NEK7: variants seen among roughly 807,000 people sequenced by gnomAD.
NEK7 encodes the protein serine/threonine-protein kinase Nek7.
Under a neutral mutation model 44.6 loss-of-function variants are expected in NEK7, and 18 were observed. That is an observed-to-expected ratio of 0.40 (90% CI 0.28 to 0.60). NEK7 has a LOEUF of 0.60. Ranked by LOEUF, NEK7 falls within the 20% of genes least tolerant of loss-of-function variation. The pLI, the probability that NEK7 is intolerant of heterozygous loss-of-function variation, is 0.38. For missense variants in NEK7, 256 were observed against 366.5 expected (o/e 0.70, Z 2.46); for synonymous variants, 130 against 121.1 (o/e 1.07, Z -0.48).
intron 1 of NEK7, among the ~76,000 whole-genome samples, chr1:198,222,884 G>A (rs902894216): frequency 2.0e-5 from 3 of 151,944 alleles, no homozygotes; most frequent in South Asian, 4.2e-4. Flanking sequence ...AGCGGGGGGT[G>A]GGGGTGGATG....
chr1:198,209,037 GTATATATATATATA>G (rs57962708), intron 1 of NEK7, among the ~76,000 whole-genome samples: 1 of 145,356 alleles, frequency 6.9e-6, no homozygotes, highest in Non-Finnish European at 1.5e-5. Context: ...ATGTGTGTGT[GTATATATATATATA>G]TATATATACA....
intron 1 of NEK7, among the ~76,000 whole-genome samples, chr1:198,214,476 TAATGAAAAATCAATCAG>T (rs1665861171): frequency 6.6e-6 from 1 of 152,190 alleles, no homozygotes; most frequent in Non-Finnish European, 1.5e-5. Context: ...ATGGATATTT[TAATGAAAAATCAATCAG>T]AACTTCTGGA....
intron 8 of NEK7, 46 bp from the exon 9 acceptor site, chr1:198,297,081 T>G: frequency 8.1e-7 from 1 of 1,233,682 alleles, no homozygotes; most frequent in Non-Finnish European, 1.2e-6. Flanking sequence ...AATCACCTTT[T>G]AAGTTACCAT....
chr1:198,252,289 T>C (rs1439109540), intron 2 of NEK7, among the ~76,000 whole-genome samples: 3 of 151,894 alleles, frequency 2.0e-5, no homozygotes, highest in Non-Finnish European at 4.4e-5. Context: ...AGAGCTTTAC[T>C]TCCACCTATG....
chr1:198,164,981 C>T (rs1000236857), intron 1 of NEK7, among the ~76,000 whole-genome samples: 3 of 152,238 alleles, frequency 2.0e-5, no homozygotes, highest in Admixed American at 2.0e-4. Context: ...ATGTTCACAG[C>T]ATTTTCATCA....
At chr1:198,221,044 A>G (rs1666065941) in intron 1 of NEK7, 1 of 152,114 alleles carries the variant, frequency 6.6e-6, no homozygotes, top group South Asian at 2.1e-4. Context: ...CTTCAACTCT[A>G]GAATTCTGAA....
At chr1:198,168,290 A>T (rs962084656) in intron 1 of NEK7, among the ~76,000 whole-genome samples, 2 of 152,210 alleles carry the variant, frequency 1.3e-5, no homozygotes, top group African/African-American at 4.8e-5. Context: ...TTCAGATAAT[A>T]TAAGAAGCAT....
chr1:198,297,238 GAAGT>G lies in NEK7; in HGVS notation c.798+3_798+6del. 1 of 1,612,864 alleles carries G rather than the reference GAAGT, an allele frequency of 6.2e-7. No homozygotes were observed. Among genetic ancestry groups the G allele is most frequent in the Non-Finnish European group, 8.5e-7 (1 of 1,179,478 alleles). On this transcript the variant is annotated splice_donor_variant and coding_sequence_variant, in exon 9 of 10. Coordinates refer to ENST00000367385, the MANE Select transcript of NEK7 (RefSeq NM_133494.3). LOFTEE classifies it high-confidence loss of function. ...TCTTCCTTCAGATCACTATTCAGAA[GAAGT>G]AAGTCATTTTCAGCCCACATGTTCT...
At chr1:198,274,352 T>C (rs1356482102) in intron 5 of NEK7, among the ~76,000 whole-genome samples, 2 of 151,612 alleles carry the variant, frequency 1.3e-5, no homozygotes, top group African/African-American at 4.8e-5. Flanking sequence ...GCAAGTCCCT[T>C]TGTTAAAAAT....
intron 9 of NEK7, among the ~76,000 whole-genome samples, chr1:198,318,471 T>C (rs1201398066): frequency 6.6e-6 from 1 of 152,156 alleles, no homozygotes; most frequent in African/African-American, 2.4e-5. Flanking sequence ...ATGGTAGAAA[T>C]TGAGAACTAT....
intron 1 of NEK7, among the ~76,000 whole-genome samples, chr1:198,191,965 T>A (rs1219238479): frequency 6.6e-6 from 1 of 152,132 alleles, no homozygotes; most frequent in African/African-American, 2.4e-5. Flanking sequence ...ATGTTCTCCC[T>A]GTCTTTTCCT....
At chr1:198,227,350 G>A (rs1409936111) in intron 1 of NEK7, among the ~76,000 whole-genome samples, 21 of 152,212 alleles carry the variant, frequency 1.4e-4, no homozygotes, top group Non-Finnish European at 3.1e-4. Context: ...TGTCTTCATA[G>A]CAGCATGATT....
chr1:198,239,349 A>G (rs541189628), intron 2 of NEK7, among the ~76,000 whole-genome samples: 33 of 152,216 alleles, frequency 2.2e-4, no homozygotes, highest in African/African-American at 7.5e-4. Flanking sequence ...AGATTCAGCC[A>G]TTTGTTGATT....
At chr1:198,248,586 CA>C (rs1315463164) in intron 2 of NEK7, among the ~76,000 whole-genome samples, 1 of 152,028 alleles carries the variant, frequency 6.6e-6, no homozygotes, top group Non-Finnish European at 1.5e-5. Context: ...TGGTAAATAT[CA>C]AAAAATGTTA....
Position 198,305,645 on chromosome 1 carries a change from A to G in NEK7, c.798+8405A>G, listed in dbSNP as rs571072552. The stretch of plus-strand genomic sequence containing the variant: ...CATGAGTCAGATTAGAAATAACATT[A>G]AAATTATCCCTCTAGTCATAATAAT... On this transcript the variant is annotated intron_variant, in intron 9 of 9. Coordinates refer to ENST00000367385, the MANE Select transcript of NEK7 (RefSeq NM_133494.3). 3.3e-4 allele frequency among the ~76,000 whole-genome samples: 51 copies of G among 152,316 alleles called. 1 individual carries two copies. The highest frequency in any genetic ancestry group is 1.1e-3 in the African/African-American group (45 of 41,578).
At chr1:198,250,306 G>T (rs923176840) in intron 2 of NEK7, among the ~76,000 whole-genome samples, 10 of 150,582 alleles carry the variant, frequency 6.6e-5, no homozygotes, top group African/African-American at 2.4e-4. Context: ...TTTGAAGTCA[G>T]GTAGTGTGAT....
At chr1:198,174,793 T>G (rs1664559160) in intron 1 of NEK7, among the ~76,000 whole-genome samples, 3 of 152,130 alleles carry the variant, frequency 2.0e-5, no homozygotes, top group Admixed American at 6.5e-5. Flanking sequence ...GGTCTTGCTC[T>G]GTCACCCAGG....
Position 198,157,146 on chromosome 1 carries a change from G to A in NEK7, c.-159G>A, listed in dbSNP as rs1048827610. 1 of 151,634 alleles carries A rather than the reference G, an allele frequency of 6.6e-6. No individual in the cohort carries two copies. Among genetic ancestry groups the A allele is most frequent in the Non-Finnish European group, 1.5e-5 (1 of 67,896 alleles). The allele number at this position is 151,634 out of a possible 1,614,324, so 9.4% of individuals were successfully genotyped here. A position where few individuals can be genotyped will look rare whatever the true frequency, so the allele number is the denominator to read the frequency against. Reference sequence around the variant, plus strand: ...CCGCCGGGGCGGCGCGGCGGGAGGTGGCCGACAGGCTCCGGGCCTCGCAGC... The same window carrying A: ...CCGCCGGGGCGGCGCGGCGGGAGGTAGCCGACAGGCTCCGGGCCTCGCAGC... On this transcript the variant is annotated 5_prime_UTR_variant, in exon 1 of 10. Transcript: ENST00000367385.
At chr1:198,279,695 CT>C (rs1257488559) in intron 7 of NEK7, among the ~76,000 whole-genome samples, 2 of 151,418 alleles carry the variant, frequency 1.3e-5, no homozygotes, top group South Asian at 2.1e-4. Flanking sequence ...CATAGAAAGC[CT>C]TTTTTTTAAT....
Sources: gnomAD v4.1 joint callset for allele counts (sites outside exome capture counted in the v4.1 genomes callset) on GRCh38, gnomAD v4.1.1 for gene constraint, MANE v1.5 for transcripts, NCBI Gene and HGNC (gene_info 2026-07-23, HGNC 2026-07-21) for gene names.